The following ATP11A variants were observed in gnomAD, a reference collection of about 807,000 sequenced individuals.
ATP11A encodes phospholipid-transporting ATPase IH.
ATP11A carries 81 observed loss-of-function variants against 154.4 expected under a neutral mutation model. That is an observed-to-expected ratio of 0.52 (90% CI 0.44 to 0.63). The LOEUF (loss-of-function observed/expected upper bound fraction) is 0.63. Ranked by LOEUF, ATP11A falls within the 30% of genes least tolerant of loss-of-function variation. ATP11A has a pLI of 0.00. For missense variants in ATP11A, 1,316 were observed against 1,474.3 expected (o/e 0.89, Z 1.76); for synonymous variants, 623 against 585.9 (o/e 1.06, Z -0.91).
chr13:112,709,005 T>A, intron 1 of ATP11A, among the ~76,000 whole-genome samples: 1 of 152,164 alleles, frequency 6.6e-6, no homozygotes, highest in Middle Eastern at 3.2e-3. Context: ...GGGTGTGATG[T>A]GTCTGTAGGG....
chr13:112,820,615 G>A (rs1249301699), intron 8 of ATP11A, among the ~76,000 whole-genome samples: 2 of 152,208 alleles, frequency 1.3e-5, no homozygotes, highest in Non-Finnish European at 2.9e-5. Context: ...GCCCAGCTCT[G>A]AGCAGCACCC....
At position 112,885,191 on chromosome 13, in the gene ATP11A, G is replaced by A. The variant is rs1327777549; in HGVS notation, c.*3325G>A. 6.6e-6 allele frequency: 1 copy of A among 152,012 alleles called. No homozygotes were observed. Among genetic ancestry groups the A allele is most frequent in the East Asian group, 1.9e-4 (1 of 5,150 alleles). 9.4% of individuals were successfully genotyped at this position (152,012 alleles called of 1,614,324 possible). On this transcript the variant is annotated 3_prime_UTR_variant, in exon 30 of 30. Transcript: ENST00000375645. ...GTGCATGCTCCTACACAATACATAT[G>A]CACATATCATGAACAGCGTAAGTTC... is the stretch of plus-strand genomic sequence containing the variant.
chr13:112,870,770 G>A (rs373088025), intron 25 of ATP11A, among the ~76,000 whole-genome samples: 4 of 152,352 alleles, frequency 2.6e-5, no homozygotes, highest in South Asian at 2.1e-4. Flanking sequence ...GCGCAGGAGC[G>A]TCCCAAAGGA....
At chr13:112,725,437 G>A (rs907539576) in intron 1 of ATP11A, among the ~76,000 whole-genome samples, 2 of 152,146 alleles carry the variant, frequency 1.3e-5, no homozygotes, top group Non-Finnish European at 2.9e-5. Flanking sequence ...CCTGGCCCCT[G>A]CCACCTGGGT....
At position 112,864,397 on chromosome 13, in the gene ATP11A, AGC is replaced by A. The variant is rs1310636778; in HGVS notation, c.2991+1826_2991+1827del. Reference sequence around the variant, plus strand: ...CACCACGTGCGCCATAATTCAGCGTAGCGCGTGCAGCTTCCCAGCGGGATCCA... The same window carrying A: ...CACCACGTGCGCCATAATTCAGCGTAGCGTGCAGCTTCCCAGCGGGATCCA... On this transcript the variant is annotated intron_variant, in intron 25 of 29. Coordinates refer to ENST00000375645, the MANE Select transcript of ATP11A (RefSeq NM_015205.3). Among the ~76,000 whole-genome samples, 11 of 110,610 alleles carry A rather than the reference AGC, an allele frequency of 9.9e-5. 1 individual carries two copies. Among genetic ancestry groups the A allele is most frequent in the African/African-American group, 3.2e-4 (10 of 31,198 alleles). The allele number at this position is 110,610 out of a possible 152,430, so 72.6% of individuals were successfully genotyped here.
At chr13:112,843,932 T>C (rs1594150257) in intron 17 of ATP11A, among the ~76,000 whole-genome samples, 1 of 152,168 alleles carries the variant, frequency 6.6e-6, no homozygotes, top group South Asian at 2.1e-4. Context: ...TGAACTTCTC[T>C]GTGAGGGATC....
At chr13:112,848,862 A>G (rs2079682043) in intron 17 of ATP11A, among the ~76,000 whole-genome samples, 1 of 152,010 alleles carries the variant, frequency 6.6e-6, no homozygotes, top group Non-Finnish European at 1.5e-5. Context: ...TAATTTTTGT[A>G]TTTTTAGTAG....
At chr13:112,721,401 A>G (rs1889161168) in intron 1 of ATP11A, among the ~76,000 whole-genome samples, 2 of 152,222 alleles carry the variant, frequency 1.3e-5, no homozygotes, top group South Asian at 4.1e-4. Flanking sequence ...ACTAAGAACA[A>G]AGAGGCTTTG....
rs1192265341 is a variant in ATP11A at position 112,859,522 on chromosome 13, T to TG, written c.2727+74dup. 7.5e-7 allele frequency: 1 copy of TG among 1,327,090 alleles called. No homozygotes were observed. The highest frequency in any genetic ancestry group is 1.5e-5 in the African/African-American group (1 of 68,542). The allele number at this position is 1,327,090 out of a possible 1,614,324, so 82.2% of individuals were successfully genotyped here. ...TCCTTCCCGCAGTGGGTGGCTGCTG[T>TG]GGGGAGGGGAGACTTGGGAATGAGC... On this transcript the variant is annotated intron_variant, in intron 23 of 29. Transcript: ENST00000375645. The surrounding 1 kb of genome is among the most constrained non-coding windows in gnomAD (Gnocchi z 4.3).
chr13:112,835,548 G>A (rs1236477841), intron 15 of ATP11A, among the ~76,000 whole-genome samples: 1 of 152,188 alleles, frequency 6.6e-6, no homozygotes, highest in African/African-American at 2.4e-5. Context: ...TGAGGTCGTG[G>A]CCTAGATGAG....
At chr13:112,852,532 G>A (rs535334239) in intron 18 of ATP11A, among the ~76,000 whole-genome samples, 22 of 152,324 alleles carry the variant, frequency 1.4e-4, no homozygotes, top group Admixed American at 1.2e-3. Context: ...CACGGCCGCC[G>A]AAAGGCTTTG....
intron 25 of ATP11A, among the ~76,000 whole-genome samples, chr13:112,864,135 C>T (rs2080230881): frequency 9.9e-6 from 1 of 101,432 alleles, no homozygotes; most frequent in African/African-American, 3.5e-5. Context: ...GCAGCACGTG[C>T]AGCTTCCCAG....
At chr13:112,756,048 G>A (rs980388044) in intron 1 of ATP11A, among the ~76,000 whole-genome samples, 4 of 152,142 alleles carry the variant, frequency 2.6e-5, no homozygotes, top group Admixed American at 2.0e-4. Flanking sequence ...TCACGGAAGC[G>A]TCACTCAGAG....
In ATP11A at chr13:112,746,566, G is replaced by C. The variant is rs1892180867; in HGVS notation, c.40-38569G>C. 1 of 152,190 alleles carries C rather than the reference G, an allele frequency of 6.6e-6. No homozygotes were observed. Among genetic ancestry groups the C allele is most frequent in the Non-Finnish European group, 1.5e-5 (1 of 68,140 alleles). The allele number at this position is 152,190 out of a possible 1,614,324, so 9.4% of individuals were successfully genotyped here. A position where few individuals can be genotyped will look rare whatever the true frequency, so the allele number is the denominator to read the frequency against. ...TGGGGTTTTGTTGTTGTTTTTTAGA[G>C]ACAGCACCTCGCTCTCTTACCCAGG... On this transcript the variant is annotated intron_variant, in intron 1 of 29. Coordinates refer to ENST00000375645, the MANE Select transcript of ATP11A (RefSeq NM_015205.3). This position sits in a 1 kb window ranked among gnomAD's most constrained non-coding sequence, Gnocchi z 4.1.
At chr13:112,799,884 C>A (rs1322583335) in intron 2 of ATP11A, among the ~76,000 whole-genome samples, 1 of 152,068 alleles carries the variant, frequency 6.6e-6, no homozygotes, top group Non-Finnish European at 1.5e-5. Flanking sequence ...AAATAAATAA[C>A]AAAGTTAACT....
chr13:112,816,637 G>A (rs527291971), intron 6 of ATP11A, among the ~76,000 whole-genome samples: 4 of 152,276 alleles, frequency 2.6e-5, no homozygotes, highest in South Asian at 4.1e-4. Context: ...AGCCCAGCAC[G>A]CTCTTGTCCG....
In ATP11A at chr13:112,706,579, A is replaced by G. The variant is rs575309267; in HGVS notation, c.39+16124A>G. ...GTTGGTCTATAACATTTCTTTTACT[A>G]TCTAAGAAATTATGAAGAAATAGAT... is the stretch of plus-strand genomic sequence containing the variant. On this transcript the variant is annotated intron_variant, in intron 1 of 29. Transcript: ENST00000375645. 4.2e-4 allele frequency among the ~76,000 whole-genome samples: 64 copies of G among 152,360 alleles called. No individual in the cohort carries two copies. The South Asian group carries it at 0.012, about 29-fold the overall frequency.
intron 29 of ATP11A, among the ~76,000 whole-genome samples, chr13:112,879,128 A>C (rs999992854): frequency 5.9e-5 from 9 of 152,248 alleles, no homozygotes; most frequent in Admixed American, 5.2e-4. Flanking sequence ...TCCTGCACCA[A>C]ATACCGCCTT....
At chr13:112,730,164 C>T (rs1428611817) in intron 1 of ATP11A, among the ~76,000 whole-genome samples, 2 of 152,182 alleles carry the variant, frequency 1.3e-5, no homozygotes, top group Non-Finnish European at 2.9e-5. Context: ...AGCCGTGGGG[C>T]TGGTGACCTG....
Sources: gnomAD v4.1 joint callset for allele counts (sites outside exome capture counted in the v4.1 genomes callset) on GRCh38, gnomAD v4.1.1 for gene constraint, Gnocchi (gnomAD v3.1) non-coding constraint, MANE v1.5 for transcripts, NCBI Gene and HGNC (gene_info 2026-07-23, HGNC 2026-07-21) for gene names.